Variants in RBFOX1 observed in about 807,000 individuals in gnomAD.
RBFOX1 encodes the protein RNA binding protein fox-1 homolog 1.
Under a neutral mutation model 57.7 loss-of-function variants are expected in RBFOX1, and 8 were observed. The ratio of observed to expected loss-of-function variants is 0.14; its 90% CI spans 0.08 to 0.25. The LOEUF (loss-of-function observed/expected upper bound fraction) is 0.25. RBFOX1 is among the 10% of genes least tolerant of loss of function. The pLI is 1.00. For synonymous variants in RBFOX1, 326 were observed against 222.4 expected (o/e 1.47, Z -4.15); for missense variants, 611 against 548.5 (o/e 1.11, Z -1.14).
chr16:6,521,200 T>G (rs1389363828), intron 2 of RBFOX1, among the ~76,000 whole-genome samples: 1 of 152,060 alleles, frequency 6.6e-6, no homozygotes, highest in Non-Finnish European at 1.5e-5. Context: ...TTGCTTAAAT[T>G]ATAGCAAATA....
chr16:5,770,310 C>G (rs952438461), intron 3 of RBFOX1, among the ~76,000 whole-genome samples: 2 of 152,182 alleles, frequency 1.3e-5, no homozygotes, highest in South Asian at 4.1e-4. Flanking sequence ...TCTCTAGCTG[C>G]CCTCACTGCT....
At chr16:6,941,608 C>T (rs990264600) in intron 3 of RBFOX1, among the ~76,000 whole-genome samples, 1 of 151,562 alleles carries the variant, frequency 6.6e-6, no homozygotes, top group Non-Finnish European at 1.5e-5. Flanking sequence ...AAATTATGCC[C>T]CTCCTCTGCC....
chr16:6,721,072 C>G (rs905188212), intron 3 of RBFOX1, among the ~76,000 whole-genome samples: 19 of 152,240 alleles, frequency 1.2e-4, no homozygotes, highest in Admixed American at 1.1e-3. Flanking sequence ...AGAATATTGC[C>G]TCTTCTGATA....
chr16:6,632,270 G>A (rs759489013), intron 2 of RBFOX1, among the ~76,000 whole-genome samples: 11 of 151,508 alleles, frequency 7.3e-5, no homozygotes, highest in African/African-American at 2.4e-4. Context: ...TGAAACCATC[G>A]CAAACAACAA....
chr16:7,177,019 T>C (rs1276948345), intron 4 of RBFOX1, among the ~76,000 whole-genome samples: 1 of 152,218 alleles, frequency 6.6e-6, no homozygotes, highest in Non-Finnish European at 1.5e-5. Flanking sequence ...TGAAGTCTCA[T>C]TGAGCACAAA....
At chr16:6,609,652 TA>T (rs2098010650) in intron 2 of RBFOX1, among the ~76,000 whole-genome samples, 1 of 152,176 alleles carries the variant, frequency 6.6e-6, no homozygotes, top group Non-Finnish European at 1.5e-5. Flanking sequence ...ATCCTGAAGT[TA>T]ACCCTATGTA....
intron 4 of RBFOX1, among the ~76,000 whole-genome samples, chr16:7,451,558 C>T (rs2098858244): frequency 6.6e-6 from 1 of 152,082 alleles, no homozygotes; most frequent in Non-Finnish European, 1.5e-5. Flanking sequence ...ACTCATTGCT[C>T]CCTCTGGCTC....
intron 3 of RBFOX1, among the ~76,000 whole-genome samples, chr16:5,770,748 A>G (rs2053950867): frequency 6.6e-6 from 1 of 152,182 alleles, no homozygotes; most frequent in Non-Finnish European, 1.5e-5. Flanking sequence ...CCACTGTTTA[A>G]ACACCTAATG....
rs549647532 is a variant in RBFOX1 at position 6,994,042 on chromosome 16, C to A, written c.-15-58015C>A. Among the ~76,000 whole-genome samples the A allele has an allele frequency of 6.9e-4, 105 of 152,214 alleles. 1 individual carries two copies. In the South Asian group the frequency reaches 8.7e-3, roughly 13 times the overall value. On this transcript the variant is annotated intron_variant, in intron 3 of 15. Transcript: ENST00000550418. ...GCTGAATTTCCTCAATCCACCTCCC[C>A]CTCTGGGAGTTTAACAAACAGGCCT...
intron 4 of RBFOX1, among the ~76,000 whole-genome samples, chr16:7,279,902 A>G (rs904064088): frequency 2.0e-5 from 3 of 152,190 alleles, no homozygotes; most frequent in Non-Finnish European, 2.9e-5. Flanking sequence ...TTGGCTCATT[A>G]TGGTCCTGAT....
chr16:5,668,464 C>G (rs2049917845), intron 3 of RBFOX1, among the ~76,000 whole-genome samples: 1 of 152,156 alleles, frequency 6.6e-6, no homozygotes, highest in Non-Finnish European at 1.5e-5. Flanking sequence ...CCAAAATCAT[C>G]AGAGGTGGTT....
intron 4 of RBFOX1, among the ~76,000 whole-genome samples, chr16:7,497,208 G>T (rs925860295): frequency 6.6e-6 from 1 of 152,046 alleles, no homozygotes; most frequent in Non-Finnish European, 1.5e-5. Context: ...CTCTTCCTAT[G>T]CCCACAACCT....
intron 1 of RBFOX1, among the ~76,000 whole-genome samples, chr16:6,164,196 C>T (rs933589994): frequency 3.3e-5 from 5 of 152,138 alleles, no homozygotes; most frequent in Admixed American, 1.3e-4. Flanking sequence ...TTTACTTGGA[C>T]ATTAGTCTAC....
chr16:5,867,260 C>A, intron 3 of RBFOX1: 1 of 1,151,896 alleles, frequency 8.7e-7, no homozygotes, highest in Non-Finnish European at 1.1e-6. Flanking sequence ...CAATTACCTT[C>A]TTGTTGAATC....
chr16:6,604,198 C>A (rs2097894437), intron 2 of RBFOX1, among the ~76,000 whole-genome samples: 1 of 151,234 alleles, frequency 6.6e-6, no homozygotes, highest in African/African-American at 2.4e-5. Flanking sequence ...GCAATTCCTA[C>A]TGGGGAAAAA....
intron 4 of RBFOX1, among the ~76,000 whole-genome samples, chr16:7,509,319 G>T (rs2074319118): frequency 6.6e-6 from 1 of 151,794 alleles, no homozygotes; most frequent in Admixed American, 6.6e-5. Flanking sequence ...GATGGTTTTG[G>T]ATTTTGCTTA....
chr16:6,479,424 C>T (rs769809781), intron 2 of RBFOX1, among the ~76,000 whole-genome samples: 1 of 151,896 alleles, frequency 6.6e-6, no homozygotes, highest in Non-Finnish European at 1.5e-5. Context: ...CCTGTCTCTA[C>T]TAAAAATACA....
intron 3 of RBFOX1, among the ~76,000 whole-genome samples, chr16:6,860,549 T>C (rs554643860): frequency 3.3e-5 from 5 of 152,254 alleles, no homozygotes; most frequent in African/African-American, 7.2e-5. Flanking sequence ...TTTTGAGATA[T>C]TTCATCCCTA....
chr16:6,462,321 C>A (rs1422729195), intron 2 of RBFOX1, among the ~76,000 whole-genome samples: 1 of 152,170 alleles, frequency 6.6e-6, no homozygotes, highest in Non-Finnish European at 1.5e-5. Context: ...TATCCATGTG[C>A]ATGCTTATGC....
Sources: gnomAD v4.1 joint callset for allele counts (sites outside exome capture counted in the v4.1 genomes callset) on GRCh38, gnomAD v4.1.1 for gene constraint, MANE v1.5 for transcripts, NCBI Gene and HGNC (gene_info 2026-07-23, HGNC 2026-07-21) for gene names.